Variants in TRIM14 observed in about 807,000 individuals in gnomAD.
The protein encoded by TRIM14 is tripartite motif containing 14, also known as tripartite motif-containing protein 14.
TRIM14 carries 28 observed loss-of-function variants against 44.5 expected under a neutral mutation model. The ratio of observed to expected loss-of-function variants is 0.63; its 90% confidence interval spans 0.47 to 0.86. The LOEUF (loss-of-function observed/expected upper bound fraction) is 0.86, where lower values mean the gene tolerates loss of function less well. Among genes scored for constraint, TRIM14 ranks in the 40% least tolerant of loss-of-function variants. The pLI is 0.00. For synonymous variants in TRIM14, 299 were observed against 269.2 expected, an observed-to-expected ratio of 1.11 and a Z score of -1.08; for missense variants, 607 against 611.1, an observed-to-expected ratio of 0.99 and a Z score of 0.07.
At chr9:98,112,069 CA>C (rs1041362933) in intron 1 of TRIM14, among the ~76,000 whole-genome samples, 12 of 150,710 alleles carry the variant, frequency 8.0e-5, no homozygotes, top group Non-Finnish European at 1.0e-4. Context: ...GATCTGTTAA[CA>C]AAAAAAAATT....
intron 6 of TRIM14, among the ~76,000 whole-genome samples, chr9:98,072,790 T>C (rs887222759): frequency 2.0e-5 from 3 of 152,152 alleles, no homozygotes; most frequent in Non-Finnish European, 2.9e-5. Context: ...ATTGGTTCCT[T>C]GTTCTGTATT....
rs370642398 is a variant in TRIM14 at position 98,095,063 on chromosome 9, G to A, written c.538-34C>T. ...GCACACGGGGGTGAGGGTGGCTCTG[G>A]GAGATGCAGGCAGCATCCCAGCCTC... On this transcript the variant is annotated intron_variant, in intron 3 of 5. Transcript: ENST00000341469. This position sits in a 1 kb window ranked among gnomAD's most constrained non-coding sequence, Gnocchi z 4.1. 1.3e-6 allele frequency: 2 copies of A among 1,594,582 alleles called. No homozygotes were observed. The highest frequency in any genetic ancestry group is 1.7e-6 in the Non-Finnish European group (2 of 1,172,192).
chr9:98,078,120 A>G, intron 6 of TRIM14: 1 of 1,592,688 alleles, frequency 6.3e-7, no homozygotes, highest in East Asian at 2.2e-5. Flanking sequence ...TGAGACCAGC[A>G]GTTGGGATGT....
intron 3 of TRIM14, 125 bp downstream of exon 3, chr9:98,099,806 A>G (rs1197810732): frequency 5.0e-6 from 4 of 797,562 alleles, no homozygotes; most frequent in Non-Finnish European, 2.0e-6. Context: ...AAGACAGTCT[A>G]CATGGTGACA....
At position 98,119,099 on chromosome 9, in the gene TRIM14, G is replaced by A; in HGVS notation, c.90C>T (p.Arg30=). 2 of 1,586,914 alleles carry A rather than the reference G, an allele frequency of 1.3e-6. No homozygotes were observed. Among genetic ancestry groups the A allele is most frequent in the Non-Finnish European group, 1.7e-6 (2 of 1,176,058 alleles). The change falls in exon 1 of 6, where the codon CGC becomes CGT. Residue 30 remains arginine (R), a synonymous_variant. Coordinates refer to ENST00000341469, the MANE Select transcript of TRIM14 (RefSeq NM_014788.4). The stretch of plus-strand genomic sequence containing the variant: ...AGCGGCGACAGAAGAGCTCAGCCAC[G>A]CGGTCGCCATGCTCCGGGCAGCGCC... The part of the protein sequence containing the change: ...CGWRCPEHGD[R]VAELFCRRCR...
At chr9:98,081,878 A>C (rs1025384979), downstream of TRIM14, 1 of 152,204 alleles carries the variant, frequency 6.6e-6, no homozygotes, top group Non-Finnish European at 1.5e-5. Context: ...AATAAAGTAA[A>C]AAGAAATAGT....
chr9:98,059,148 C>G, the TRIM14 span, among the ~76,000 whole-genome samples: 34 of 151,866 alleles, frequency 2.2e-4, no homozygotes, highest in African/African-American at 8.2e-4. Flanking sequence ...CTCAGCCTCC[C>G]GAGTAGCTGG....
chr9:98,100,427 C>T (rs1339107459), intron 2 of TRIM14, among the ~76,000 whole-genome samples: 2 of 152,094 alleles, frequency 1.3e-5, no homozygotes, highest in Non-Finnish European at 2.9e-5. Flanking sequence ...AAACCATATT[C>T]GTGACTGGGA....
the TRIM14 span, among the ~76,000 whole-genome samples, chr9:98,049,101 G>A: frequency 8.6e-5 from 13 of 151,700 alleles, no homozygotes; most frequent in Admixed American, 7.2e-4. Flanking sequence ...TAGCACTTTG[G>A]GAGGCCAAGG....
the TRIM14 span, among the ~76,000 whole-genome samples, chr9:98,056,434 T>C: frequency 1.3e-5 from 2 of 152,144 alleles, no homozygotes; most frequent in East Asian, 3.9e-4. Context: ...GAGCAGGACA[T>C]AGACTATGCC....
chr9:98,115,007 A>C lies in TRIM14; in HGVS notation c.207+3975T>G, dbSNP rs541266407. The stretch of plus-strand genomic sequence containing the variant: ...GGATAAAAGATACTTTTGTGAGCAA[A>C]ATTGAAACATTTGTCTTTCTCTCTA... On this transcript the variant is annotated intron_variant, in intron 1 of 5. Coordinates refer to ENST00000341469, the MANE Select transcript of TRIM14 (RefSeq NM_014788.4). Among the ~76,000 whole-genome samples the C allele has an allele frequency of 2.8e-4, 43 of 152,324 alleles. 1 individual carries two copies. The South Asian group carries it at 8.7e-3, about 31-fold the overall frequency.
In TRIM14 at chr9:98,116,301, CAA is replaced by C. The variant is rs35650458; in HGVS notation, c.207+2679_207+2680del. On this transcript the variant is annotated intron_variant, in intron 1 of 5. Transcript: ENST00000341469. ...TGGGCAACAGAGTGAGACCCTGTCT[CAA>C]AAAAAAAAAAAAAAAAAAATCCTTG... Among the ~76,000 whole-genome samples the C allele has an allele frequency of 5.5e-3, 546 of 98,554 alleles. 4 individuals carry two copies. The highest frequency in any genetic ancestry group is 0.034 in the East Asian group (120 of 3,538). 64.7% of individuals were successfully genotyped at this position (98,554 alleles called of 152,430 possible). A position where few individuals can be genotyped will look rare whatever the true frequency, so the allele number is the denominator to read the frequency against.
chr9:98,050,192 G>A, the TRIM14 span, among the ~76,000 whole-genome samples: 1 of 152,328 alleles, frequency 6.6e-6, no homozygotes, highest in East Asian at 1.9e-4. Context: ...TCCACTTGTT[G>A]TAGTTCATGA....
At chr9:98,066,289 C>T (rs1041295211), downstream of TRIM14, among the ~76,000 whole-genome samples, 7 of 152,200 alleles carry the variant, frequency 4.6e-5, no homozygotes, top group African/African-American at 1.7e-4. Flanking sequence ...AGGAGGTCCA[C>T]AAAGGCAAAG....
intron 1 of TRIM14, 94 bp downstream of exon 1, chr9:98,118,888 C>G: frequency 7.4e-7 from 1 of 1,348,366 alleles, no homozygotes; most frequent in South Asian, 1.6e-5. Context: ...TAACCCGCCA[C>G]TGGCCACGGC....
chr9:98,099,865 C>G lies in TRIM14; in HGVS notation c.537+66G>C, dbSNP rs570391192. 5 of 1,447,174 alleles carry G rather than the reference C, an allele frequency of 3.5e-6. No individual in the cohort carries two copies. The African/African-American group carries it at 4.2e-5, about 12-fold the overall frequency. The allele number at this position is 1,447,174 out of a possible 1,614,324, so 89.6% of individuals were successfully genotyped here. A position where few individuals can be genotyped will look rare whatever the true frequency, so the allele number is the denominator to read the frequency against. The stretch of plus-strand genomic sequence containing the variant: ...TAGTGTGTCAATACTGTGCTCAATG[C>G]CACAATACTTGAGATGAAGTGTGGG... On this transcript the variant is annotated intron_variant, in intron 3 of 5. Coordinates refer to ENST00000341469, the MANE Select transcript of TRIM14 (RefSeq NM_014788.4).
At chr9:98,038,750 C>T in the TRIM14 span, among the ~76,000 whole-genome samples, 1 of 152,052 alleles carries the variant, frequency 6.6e-6, no homozygotes, top group Non-Finnish European at 1.5e-5. Context: ...AATGTGAAGG[C>T]CATTTAAACC....
rs147414629 is a variant in TRIM14 at position 98,108,511 on chromosome 9, A to T, written c.303+1378T>A. Among the ~76,000 whole-genome samples, 302 of 152,108 alleles carry T rather than the reference A, an allele frequency of 2.0e-3. 2 individuals carry two copies. The highest frequency in any genetic ancestry group is 3.5e-3 in the Non-Finnish European group (240 of 68,014). The stretch of plus-strand genomic sequence containing the variant: ...AGACTAGACCCTCCACATGGGTCCT[A>T]ATTCTTGGGGGCCCTCAAACCATAT... On this transcript the variant is annotated intron_variant, in intron 2 of 5. Transcript: ENST00000341469.
intron 6 of TRIM14, chr9:98,076,171 T>C (rs1013363165): frequency 6.6e-6 from 1 of 152,152 alleles, no homozygotes; most frequent in Non-Finnish European, 1.5e-5. Flanking sequence ...AAAAAAATGC[T>C]CCATTTTCCC....
Sources: allele counts gnomAD v4.1 joint callset (sites outside exome capture counted in the v4.1 genomes callset), GRCh38; gene constraint gnomAD v4.1.1; non-coding constraint Gnocchi (gnomAD v3.1); transcripts MANE v1.5; gene names NCBI Gene and HGNC (gene_info 2026-07-23, HGNC 2026-07-21).